Variants in EIF2AK3 observed in about 807,000 individuals in gnomAD.
The protein encoded by EIF2AK3 is eukaryotic translation initiation factor 2-alpha kinase 3.
EIF2AK3 carries 50 observed loss-of-function variants against 113.5 expected under a neutral mutation model. That is an observed-to-expected ratio of 0.44 (90% CI 0.35 to 0.56). The LOEUF (loss-of-function observed/expected upper bound fraction) is 0.56. Ranked by LOEUF, EIF2AK3 falls within the 20% of genes least tolerant of loss-of-function variation. EIF2AK3 has a pLI of 0.00. For synonymous variants in EIF2AK3, 448 were observed against 495.4 expected, an observed-to-expected ratio of 0.90 and a Z score of 1.27; for missense variants, 1,185 against 1,378.0, an observed-to-expected ratio of 0.86 and a Z score of 2.22.
rs745368997 is a variant in EIF2AK3 at position 88,571,010 on chromosome 2, A to G, written c.2849T>C (p.Val950Ala). Residue 950 changes from valine (V) to alanine (A), a missense_variant, in exon 14 of 17, where the codon GTG becomes GCG. Coordinates refer to ENST00000303236, the MANE Select transcript of EIF2AK3 (RefSeq NM_004836.7). ...TAACCCAAAGTCTCCAACCTTGACCACATCATCCATTGTAAAGAATATGTT... is the reference window on the plus strand; with the variant it reads ...TAACCCAAAGTCTCCAACCTTGACCGCATCATCCATTGTAAAGAATATGTT... Reference protein sequence around the residue: ...PSNIFFTMDDVVKVGDFGLVT... With the variant: ...PSNIFFTMDDAVKVGDFGLVT... 6.2e-7 allele frequency: 1 copy of G among 1,614,212 alleles called. No homozygotes were observed. The highest frequency in any genetic ancestry group is 1.1e-5 in the South Asian group (1 of 91,090).
intron 8 of EIF2AK3, among the ~76,000 whole-genome samples, chr2:88,586,562 G>A (rs894879383): frequency 8.7e-5 from 13 of 148,762 alleles, no homozygotes; most frequent in African/African-American, 2.7e-4. Context: ...TTTGTACTAC[G>A]TGGTCAGACT....
At chr2:88,574,531 A>T in intron 13 of EIF2AK3, 135 bp downstream of exon 13, 1 of 1,103,024 alleles carries the variant, frequency 9.1e-7, no homozygotes, top group Non-Finnish European at 1.3e-6. Context: ...CTTCGAGGCT[A>T]CTTTCTCAGA....
rs771626697 is a variant in EIF2AK3, at chr2:88,583,428, AC to A, written c.1763+1del. On this transcript the variant is annotated splice_donor_variant, in intron 10 of 16. Coordinates refer to ENST00000303236, the MANE Select transcript of EIF2AK3 (RefSeq NM_004836.7). LOFTEE classifies it high-confidence loss of function. ...GATGGTTGTATTTTATAAGACTCTT[AC>A]CGTGATATATATCCAGAGTTTTTTA... The A allele has an allele frequency of 8.7e-6, 14 of 1,602,886 alleles. No individual in the cohort carries two copies. Among genetic ancestry groups the A allele is most frequent in the Non-Finnish European group, 1.2e-5 (14 of 1,170,444 alleles).
intron 15 of EIF2AK3, among the ~76,000 whole-genome samples, chr2:88,561,286 GA>G (rs1673950932): frequency 1.4e-5 from 2 of 145,624 alleles, no homozygotes; most frequent in Non-Finnish European, 3.0e-5. Flanking sequence ...TTTCGAGACA[GA>G]GTCTCACTCT....
At chr2:88,561,366 A>G (rs1468229198) in intron 15 of EIF2AK3, among the ~76,000 whole-genome samples, 1 of 151,230 alleles carries the variant, frequency 6.6e-6, no homozygotes, top group African/African-American at 2.4e-5. Flanking sequence ...GGTTCACACC[A>G]TTCTCCTGCC....
In EIF2AK3 at chr2:88,569,336, C is replaced by CA. The variant is rs552792164; in HGVS notation, c.2985+1537dup. The stretch of plus-strand genomic sequence containing the variant: ...TGGGTAACACAGCAAGACCCCATCT[C>CA]AAAAAAAAAAACAAACAACATTTTT... On this transcript the variant is annotated intron_variant, in intron 14 of 16. Coordinates refer to ENST00000303236, the MANE Select transcript of EIF2AK3 (RefSeq NM_004836.7). Among the ~76,000 whole-genome samples the CA allele has an allele frequency of 8.9e-3, 1,003 of 112,812 alleles. 4 individuals are homozygous for CA. Among genetic ancestry groups the CA allele is most frequent in the South Asian group, 0.014 (49 of 3,604 alleles). 74.0% of individuals were successfully genotyped at this position (112,812 alleles called of 152,430 possible).
intron 13 of EIF2AK3, among the ~76,000 whole-genome samples, chr2:88,573,000 C>A (rs1674351291): frequency 6.6e-6 from 1 of 151,930 alleles, no homozygotes; most frequent in African/African-American, 2.4e-5. Context: ...AAAAATGTGA[C>A]CAAAATATAA....
chr2:88,559,047 C>T (rs1673868595), intron 15 of EIF2AK3, 68 bp from the exon 16 acceptor site: 1 of 1,107,060 alleles, frequency 9.0e-7, no homozygotes, highest in African/African-American at 1.6e-5. Context: ...TTTTTTGATA[C>T]TCTAACAAAA....
chr2:88,619,660 T>C (rs1204489469), intron 1 of EIF2AK3, among the ~76,000 whole-genome samples: 1 of 152,046 alleles, frequency 6.6e-6, no homozygotes, highest in Non-Finnish European at 1.5e-5. Context: ...AAGCTTCTCT[T>C]AAATCTTTTC....
chr2:88,588,949 GGTT>G, intron 6 of EIF2AK3, 48 bp from the exon 7 acceptor site: 1 of 1,598,134 alleles, frequency 6.3e-7, no homozygotes, highest in South Asian at 1.1e-5. Flanking sequence ...TTTTTAAAAA[GGTT>G]TTTTTAATTA....
chr2:88,591,297 A>C (rs1674883774), intron 4 of EIF2AK3, among the ~76,000 whole-genome samples: 1 of 152,158 alleles, frequency 6.6e-6, no homozygotes, highest in Admixed American at 6.5e-5. Context: ...CCCTTACAAC[A>C]GCTAAGGGAC....
intron 10 of EIF2AK3, among the ~76,000 whole-genome samples, chr2:88,583,013 ATCTGT>A (rs1419619989): frequency 1.3e-5 from 2 of 152,150 alleles, no homozygotes; most frequent in African/African-American, 2.4e-5. Flanking sequence ...TTTAAAAACT[ATCTGT>A]TCTATTAGTG....
At position 88,556,777 on chromosome 2, in the gene EIF2AK3, TGAAA is replaced by T. The variant is rs1440295906; in HGVS notation, c.*955_*958del. Reference sequence around the variant, plus strand: ...AAAGTTTTATTAAATCATTTAGACTTGAAAGAAGTCACAAGTTAACACACTTAAG... The same window carrying T: ...AAAGTTTTATTAAATCATTTAGACTTGAAGTCACAAGTTAACACACTTAAG... On this transcript the variant is annotated 3_prime_UTR_variant, in exon 17 of 17. Coordinates refer to ENST00000303236, the MANE Select transcript of EIF2AK3 (RefSeq NM_004836.7). 1.3e-5 allele frequency: 2 copies of T among 152,358 alleles called. No individual in the cohort carries two copies. Among genetic ancestry groups the T allele is most frequent in the East Asian group, 3.8e-4 (2 of 5,196 alleles). 9.4% of individuals were successfully genotyped at this position (152,358 alleles called of 1,614,324 possible).
At chr2:88,581,572 C>T (rs916051528) in intron 10 of EIF2AK3, among the ~76,000 whole-genome samples, 1 of 152,180 alleles carries the variant, frequency 6.6e-6, no homozygotes, top group African/African-American at 2.4e-5. Context: ...TTTTATTTCT[C>T]CCAAAGCCTG....
In EIF2AK3 at chr2:88,575,423, G is replaced by A; in HGVS notation, c.2060C>T (p.Pro687Leu). 1 of 1,609,292 alleles carries A rather than the reference G, an allele frequency of 6.2e-7. No individual in the cohort carries two copies. Among genetic ancestry groups the A allele is most frequent in the Non-Finnish European group, 8.5e-7 (1 of 1,179,984 alleles). Residue 687 changes from proline to leucine, a missense_variant, in exon 13 of 17, where the codon CCT (proline) becomes CTT (leucine). Transcript: ENST00000303236. ...DESTDWPLSS[P>L]SPMDAPSVKI... ...AACTGATGGTGCATCCATTGGGCTA[G>A]GAGAGCTGAGTGGCCAGTCTGTGCT...
At chr2:88,562,432 A>G in intron 14 of EIF2AK3, 42 bp from the exon 15 acceptor site, 2 of 1,501,216 alleles carry the variant, frequency 1.3e-6, no homozygotes, top group Non-Finnish European at 1.9e-6. Context: ...TAACACAGAG[A>G]CAGTACAGTT....
intron 1 of EIF2AK3, among the ~76,000 whole-genome samples, chr2:88,614,313 A>T (rs993673047): frequency 1.3e-5 from 2 of 152,092 alleles, no homozygotes; most frequent in African/African-American, 4.8e-5. Context: ...GACTCCATGT[A>T]TCTCATTGCC....
At chr2:88,566,180 T>C (rs764037625) in intron 14 of EIF2AK3, among the ~76,000 whole-genome samples, 3 of 152,240 alleles carry the variant, frequency 2.0e-5, no homozygotes, top group Non-Finnish European at 2.9e-5. Context: ...CTGCCTTCTA[T>C]TGAGCAGAAT....
intron 2 of EIF2AK3, among the ~76,000 whole-genome samples, chr2:88,602,965 A>T (rs1189200203): frequency 6.6e-6 from 1 of 152,218 alleles, no homozygotes; most frequent in African/African-American, 2.4e-5. Context: ...AAAGTAAAAA[A>T]AAAAGAAAAA....
Sources: gnomAD v4.1 joint callset for allele counts (sites outside exome capture counted in the v4.1 genomes callset) on GRCh38, gnomAD v4.1.1 for gene constraint, MANE v1.5 for transcripts, NCBI Gene and HGNC (gene_info 2026-07-23, HGNC 2026-07-21) for gene names.